The following NECTIN3 variants were observed in gnomAD, a reference collection of about 807,000 sequenced individuals.
The protein encoded by NECTIN3 is nectin-3.
Under a neutral mutation model 49.4 loss-of-function variants are expected in NECTIN3, and 8 were observed. That is an observed-to-expected ratio of 0.16 (90% CI 0.10 to 0.29). NECTIN3 has a LOEUF of 0.29. Among genes scored for constraint, NECTIN3 ranks in the 10% least tolerant of loss-of-function variants. The probability of loss-of-function intolerance (pLI) is 1.00; values close to 1 mark genes in which losing one functional copy is unlikely to be tolerated. For synonymous variants in NECTIN3, 277 were observed against 241.1 expected (o/e 1.15, Z -1.38); for missense variants, 581 against 654.6 (o/e 0.89, Z 1.23).
intron 1 of NECTIN3, among the ~76,000 whole-genome samples, chr3:111,103,479 G>T (rs1316324273): frequency 1.4e-4 from 20 of 146,742 alleles, no homozygotes; most frequent in Non-Finnish European, 2.7e-4. Flanking sequence ...AATTAACTTT[G>T]TATTCTGTAA....
At chr3:111,088,820 G>A (rs1371228809) in intron 1 of NECTIN3, among the ~76,000 whole-genome samples, 1 of 152,106 alleles carries the variant, frequency 6.6e-6, no homozygotes, top group African/African-American at 2.4e-5. Context: ...ACCTTTTGGT[G>A]TCAAGGCTGT....
At chr3:111,192,198 G>A (rs1199544968), upstream of NECTIN3, among the ~76,000 whole-genome samples, 1 of 152,096 alleles carries the variant, frequency 6.6e-6, no homozygotes, top group Non-Finnish European at 1.5e-5. Context: ...AAAAAAATAT[G>A]GTTACTTTTT....
intron 1 of NECTIN3, among the ~76,000 whole-genome samples, chr3:111,094,655 T>C (rs2032481771): frequency 6.6e-6 from 1 of 152,142 alleles, no homozygotes. Context: ...ACAGTCCTTT[T>C]TCAGAGTCTC....
At chr3:111,143,718 T>C (rs953129182) in intron 5 of NECTIN3, among the ~76,000 whole-genome samples, 4 of 151,916 alleles carry the variant, frequency 2.6e-5, no homozygotes, top group Non-Finnish European at 5.9e-5. Flanking sequence ...ACCTCTTCAT[T>C]AGTCGGCGTT....
At chr3:111,087,183 T>C (rs1373106804) in intron 1 of NECTIN3, among the ~76,000 whole-genome samples, 1 of 152,190 alleles carries the variant, frequency 6.6e-6, no homozygotes, top group Non-Finnish European at 1.5e-5. Context: ...GATGAAGGCC[T>C]GTTTCTCTTC....
intron 1 of NECTIN3, among the ~76,000 whole-genome samples, chr3:111,073,744 C>T (rs1316425682): frequency 2.0e-5 from 3 of 152,144 alleles, no homozygotes; most frequent in African/African-American, 7.2e-5. Context: ...AATATTTATA[C>T]CTCCACAGAG....
chr3:111,137,769 CTTTT>C (rs3081495), downstream of NECTIN3, among the ~76,000 whole-genome samples: 1 of 100,040 alleles, frequency 1.0e-5, no homozygotes, highest in Non-Finnish European at 2.2e-5. Context: ...AAATTTTTTC[CTTTT>C]TTTTTTTTTT....
At chr3:111,073,439 CCACCACG>C (rs1050878002) in intron 1 of NECTIN3, 1 of 152,202 alleles carries the variant, frequency 6.6e-6, no homozygotes, top group African/African-American at 2.4e-5. Flanking sequence ...TGACAGTTTA[CCACCACG>C]TTTCCAGCAC....
intron 7 of NECTIN3, among the ~76,000 whole-genome samples, chr3:111,179,911 A>G (rs1002279848): frequency 8.6e-5 from 13 of 151,606 alleles, no homozygotes; most frequent in Non-Finnish European, 1.8e-4. Flanking sequence ...AAAAAGATCC[A>G]GGCAGACTTT....
In NECTIN3 at chr3:111,134,594, A is replaced by G. The variant is rs765153133; in HGVS notation, c.*379A>G. On this transcript the variant is annotated 3_prime_UTR_variant, in exon 6 of 6. Transcript: ENST00000485303. The stretch of plus-strand genomic sequence containing the variant: ...TTTACCTAAGACTATAATCTCAAGT[A>G]TGATGTTTGTTTAACATATACCTCT... The G allele has an allele frequency of 2.9e-5, 27 of 941,988 alleles. No individual in the cohort carries two copies. In the Middle Eastern group the frequency reaches 1.6e-3, roughly 57 times the overall value. 58.4% of individuals were successfully genotyped at this position (941,988 alleles called of 1,614,324 possible).
downstream of NECTIN3, among the ~76,000 whole-genome samples, chr3:111,138,933 A>G (rs1421330589): frequency 6.6e-6 from 1 of 151,604 alleles, no homozygotes; most frequent in African/African-American, 2.4e-5. Context: ...AGCCAAAGGT[A>G]GGATCTAGGT....
At chr3:111,157,838 T>C (rs531171034) in intron 7 of NECTIN3, among the ~76,000 whole-genome samples, 1 of 152,194 alleles carries the variant, frequency 6.6e-6, no homozygotes, top group East Asian at 1.9e-4. Context: ...GTAACATTGG[T>C]ATTACTTGAG....
At chr3:111,091,557 G>GTA (rs2032275591) in intron 1 of NECTIN3, among the ~76,000 whole-genome samples, 1 of 152,188 alleles carries the variant, frequency 6.6e-6, no homozygotes, top group East Asian at 1.9e-4. Flanking sequence ...CCCGGCCAAT[G>GTA]TGTAGTCTTT....
intron 2 of NECTIN3, among the ~76,000 whole-genome samples, chr3:111,118,369 T>G (rs55761850): frequency 0.029 from 4,335 of 149,416 alleles, 106 homozygotes; most frequent in Non-Finnish European, 0.044. Flanking sequence ...GAAATTTTTT[T>G]TATATATTAA....
chr3:111,096,147 G>A lies in NECTIN3; in HGVS notation c.161-15883G>A, dbSNP rs143984484. Among the ~76,000 whole-genome samples, 1,081 of 152,296 alleles carry A rather than the reference G, an allele frequency of 7.1e-3. 12 individuals are homozygous for A. Among genetic ancestry groups the A allele is most frequent in the African/African-American group, 0.023 (943 of 41,552 alleles). ...ATATGGACAGTAAAATCCAGGCTGAGGTGGTCTCAGATGGCGATGAGGAAC... is the reference window on the plus strand; with the variant it reads ...ATATGGACAGTAAAATCCAGGCTGAAGTGGTCTCAGATGGCGATGAGGAAC... On this transcript the variant is annotated intron_variant, in intron 1 of 5. Coordinates refer to ENST00000485303, the MANE Select transcript of NECTIN3 (RefSeq NM_015480.3).
At chr3:111,143,377 G>C (rs1268851290) in intron 5 of NECTIN3, among the ~76,000 whole-genome samples, 1 of 151,682 alleles carries the variant, frequency 6.6e-6, no homozygotes, top group Non-Finnish European at 1.5e-5. Context: ...TGGACTTACT[G>C]GTTGTAAGAT....
chr3:111,116,863 A>G (rs1037355518), intron 2 of NECTIN3, among the ~76,000 whole-genome samples: 5 of 152,100 alleles, frequency 3.3e-5, no homozygotes, highest in African/African-American at 4.8e-5. Flanking sequence ...GGGTGACAAT[A>G]TCAGCTGGTG....
chr3:111,145,118 A>G, intron 6 of NECTIN3: 1 of 1,412,232 alleles, frequency 7.1e-7, no homozygotes, highest in African/African-American at 1.4e-5. Flanking sequence ...AGCTCCTCAT[A>G]AAGAACTTAA....
At chr3:111,188,009 T>C (rs548619076), upstream of NECTIN3, among the ~76,000 whole-genome samples, 3 of 152,302 alleles carry the variant, frequency 2.0e-5, no homozygotes, top group South Asian at 6.2e-4. Flanking sequence ...ATGTTCATAG[T>C]TGTGGAGGTT....
Sources: allele counts gnomAD v4.1 joint callset (sites outside exome capture counted in the v4.1 genomes callset), GRCh38; gene constraint gnomAD v4.1.1; transcripts MANE v1.5; gene names NCBI Gene and HGNC (gene_info 2026-07-23, HGNC 2026-07-21).